The following GRAMD1C variants were observed in gnomAD, a reference collection of about 807,000 sequenced individuals.
The protein encoded by GRAMD1C is GRAM domain containing 1C, also known as protein Aster-C.
Under a neutral mutation model 97.8 loss-of-function variants are expected in GRAMD1C, and 89 were observed. That is an observed-to-expected ratio of 0.91 (90% CI 0.77 to 1.09). GRAMD1C has a LOEUF of 1.09. Among genes scored for constraint, GRAMD1C ranks in the 50% least tolerant of loss-of-function variants. GRAMD1C has a pLI of 0.00. For synonymous variants in GRAMD1C, 256 were observed against 267.0 expected (o/e 0.96, Z 0.40); for missense variants, 740 against 766.4 (o/e 0.97, Z 0.41).
chr3:113,935,966 A>G (rs1487175161), intron 13 of GRAMD1C, among the ~76,000 whole-genome samples: 41 of 152,298 alleles, frequency 2.7e-4, no homozygotes, highest in Non-Finnish European at 4.4e-5. Context: ...GTAAGTGGGT[A>G]GCCTGTTGTT....
intron 2 of GRAMD1C, among the ~76,000 whole-genome samples, chr3:113,859,432 T>G (rs1309466657): frequency 6.6e-6 from 1 of 152,220 alleles, no homozygotes; most frequent in Non-Finnish European, 1.5e-5. Flanking sequence ...TTGATTTCAT[T>G]ATAGTCAGAA....
chr3:113,851,004 A>G (rs2632257), intron 2 of GRAMD1C, among the ~76,000 whole-genome samples: 68,414 of 151,600 alleles, frequency 0.45, 15,607 homozygotes, highest in Admixed American at 0.48. Context: ...GGGTTTCACC[A>G]TGTTAGCCAG....
intron 10 of GRAMD1C, chr3:113,919,470 A>C: frequency 1.9e-6 from 1 of 520,428 alleles, no homozygotes; most frequent in Non-Finnish European, 3.9e-6. Flanking sequence ...GACAAGAGTA[A>C]TGCTCATGAA....
chr3:113,893,221 T>A lies in GRAMD1C; in HGVS notation c.541-7810T>A, dbSNP rs192461495. ...TACTACAGCCAAAGTTATCTTTTTT[T>A]AAAAAAAAATGCTTGCTTATTTTTG... is the stretch of plus-strand genomic sequence containing the variant. On this transcript the variant is annotated intron_variant, in intron 6 of 17. Coordinates refer to ENST00000358160, the MANE Select transcript of GRAMD1C (RefSeq NM_017577.5). Among the ~76,000 whole-genome samples, 205 of 151,362 alleles carry A rather than the reference T, an allele frequency of 1.4e-3. 1 individual carries two copies. Among genetic ancestry groups the A allele is most frequent in the Admixed American group, 3.1e-3 (47 of 15,186 alleles).
At chr3:113,843,277 A>G (rs1577115504) in intron 1 of GRAMD1C, among the ~76,000 whole-genome samples, 2 of 151,530 alleles carry the variant, frequency 1.3e-5, no homozygotes, top group Middle Eastern at 3.4e-3. Flanking sequence ...GGGTCTCACT[A>G]TGTTGCCCAG....
intron 9 of GRAMD1C, among the ~76,000 whole-genome samples, chr3:113,911,041 T>C (rs185124071): frequency 3.4e-4 from 52 of 152,222 alleles, no homozygotes; most frequent in Non-Finnish European, 6.2e-4. Context: ...GCAGAGTTGG[T>C]TTCTGGTGAG....
chr3:113,885,377 T>C lies in GRAMD1C; in HGVS notation c.540+2545T>C. The C allele has an allele frequency of 3.1e-5, 49 of 1,587,740 alleles. No homozygotes were observed. In the South Asian group the frequency reaches 5.4e-4, roughly 18 times the overall value. On this transcript the variant is annotated intron_variant, in intron 6 of 17. Coordinates refer to ENST00000358160, the MANE Select transcript of GRAMD1C (RefSeq NM_017577.5). ...AAGCTCTGGAGCTTCTTCATTTACC[T>C]TTTGCGGGGGCAGATCCGCACGGTA...
Position 113,908,939 on chromosome 3 carries a change from T to C in GRAMD1C, c.790-19T>C, listed in dbSNP as rs1577192403. On this transcript the variant is annotated intron_variant, in intron 8 of 17. Coordinates refer to ENST00000358160, the MANE Select transcript of GRAMD1C (RefSeq NM_017577.5). Reference sequence around the variant, plus strand: ...CTAAACCTGTGTTTTATTTTGAAACTGGATTGTTTACCTTTTAGGGATTAG... The same window carrying C: ...CTAAACCTGTGTTTTATTTTGAAACCGGATTGTTTACCTTTTAGGGATTAG... The C allele has an allele frequency of 6.7e-7, 1 of 1,491,092 alleles. No homozygotes were observed. The highest frequency in any genetic ancestry group is 9.0e-7 in the Non-Finnish European group (1 of 1,112,714). The allele number at this position is 1,491,092 out of a possible 1,614,324, so 92.4% of individuals were successfully genotyped here.
At chr3:113,897,507 C>T in intron 6 of GRAMD1C, 1 of 983,810 alleles carries the variant, frequency 1.0e-6, no homozygotes, top group Non-Finnish European at 1.2e-6. Context: ...TGCATTCTGA[C>T]CTGCAACCTT....
chr3:113,875,582 A>G lies in GRAMD1C; in HGVS notation c.358A>G (p.Thr120Ala). The G allele has an allele frequency of 1.5e-6, 2 of 1,311,812 alleles. No individual in the cohort carries two copies. Among genetic ancestry groups the G allele is most frequent in the Non-Finnish European group, 1.1e-6 (1 of 902,556 alleles). The allele number at this position is 1,311,812 out of a possible 1,614,324, so 81.3% of individuals were successfully genotyped here. The change falls in exon 4 of 18, where the codon ACT (threonine) becomes GCT (alanine). Residue 120 changes from threonine (T) to alanine (A), a missense_variant. Coordinates refer to ENST00000358160, the MANE Select transcript of GRAMD1C (RefSeq NM_017577.5). ...CFYSNIFRWE[T>A]TISIALKNIT... ...CTATAGCAACATCTTCAGATGGGAAACTACAGTAAGACATTTTGCATTTGA... is the reference window on the plus strand; with the variant it reads ...CTATAGCAACATCTTCAGATGGGAAGCTACAGTAAGACATTTTGCATTTGA...
intron 3 of GRAMD1C, among the ~76,000 whole-genome samples, chr3:113,875,148 G>A (rs1419292481): frequency 6.8e-6 from 1 of 145,998 alleles, no homozygotes; most frequent in Non-Finnish European, 1.5e-5. Flanking sequence ...TTTTTTTTAG[G>A]AGAATCCTTC....
chr3:113,863,739 T>G (rs1934484149), intron 2 of GRAMD1C, among the ~76,000 whole-genome samples: 1 of 152,174 alleles, frequency 6.6e-6, no homozygotes, highest in East Asian at 1.9e-4. Context: ...CTGTCATGAG[T>G]TGCAGTTGCA....
intron 10 of GRAMD1C, among the ~76,000 whole-genome samples, chr3:113,917,404 A>G (rs1577202999): frequency 6.6e-6 from 1 of 152,014 alleles, no homozygotes; most frequent in African/African-American, 2.4e-5. Flanking sequence ...GCTCACTGCA[A>G]CATCTGCCTC....
intron 7 of GRAMD1C, 69 bp downstream of exon 7, chr3:113,901,215 G>A (rs1034797352): frequency 6.1e-6 from 5 of 818,344 alleles, no homozygotes; most frequent in East Asian, 2.6e-5. Flanking sequence ...TTTTACATTC[G>A]ACTAATTCTG....
intron 2 of GRAMD1C, among the ~76,000 whole-genome samples, chr3:113,846,868 C>T (rs980784496): frequency 2.0e-5 from 3 of 152,004 alleles, no homozygotes; most frequent in South Asian, 4.2e-4. Context: ...ATAGAATAGA[C>T]CTAAAGAGAA....
At chr3:113,855,128 A>G (rs979152446) in intron 2 of GRAMD1C, among the ~76,000 whole-genome samples, 7 of 152,054 alleles carry the variant, frequency 4.6e-5, no homozygotes, top group Non-Finnish European at 7.4e-5. Flanking sequence ...CCTGACCAAC[A>G]TGGAGAAACC....
At chr3:113,882,516 T>A (rs1935306055) in intron 5 of GRAMD1C, among the ~76,000 whole-genome samples, 1 of 152,116 alleles carries the variant, frequency 6.6e-6, no homozygotes, top group South Asian at 2.1e-4. Context: ...TGCTAGTAAA[T>A]ACTGACAAAA....
intron 2 of GRAMD1C, among the ~76,000 whole-genome samples, chr3:113,853,284 T>G (rs574410064): frequency 2.0e-5 from 3 of 152,278 alleles, no homozygotes; most frequent in African/African-American, 7.2e-5. Flanking sequence ...ATATACGTAT[T>G]AGGAAATTCC....
Position 113,838,856 on chromosome 3 carries a change from G to GGCGGT in GRAMD1C, c.-40_-36dup, listed in dbSNP as rs543890590. Reference sequence around the variant, plus strand: ...CAGCGCGCGCTGGAGGTGGGCGCGGGGCGGTGCGGTGCGGTGCGCGCGGGG... The same window carrying GGCGGT: ...CAGCGCGCGCTGGAGGTGGGCGCGGGGCGGTGCGGTGCGGTGCGGTGCGCGCGGGG... On this transcript the variant is annotated 5_prime_UTR_variant, in exon 1 of 18. Coordinates refer to ENST00000358160, the MANE Select transcript of GRAMD1C (RefSeq NM_017577.5). The GGCGGT allele has an allele frequency of 7.1e-3, 8,595 of 1,207,544 alleles. 43 individuals carry two copies. Among genetic ancestry groups the GGCGGT allele is most frequent in the Middle Eastern group, 0.017 (74 of 4,392 alleles). 74.8% of individuals were successfully genotyped at this position (1,207,544 alleles called of 1,614,324 possible).
Sources: allele counts gnomAD v4.1 joint callset (sites outside exome capture counted in the v4.1 genomes callset), GRCh38; gene constraint gnomAD v4.1.1; transcripts MANE v1.5; gene names NCBI Gene and HGNC (gene_info 2026-07-23, HGNC 2026-07-21).